PDPN: variants seen among roughly 807,000 people sequenced by gnomAD.
PDPN encodes the protein podoplanin.
A neutral mutation model predicts 23.2 loss-of-function variants in PDPN; 12 were observed. That is an observed-to-expected ratio of 0.52 (90% CI 0.33 to 0.84). The LOEUF (loss-of-function observed/expected upper bound fraction) is 0.84. Ranked by LOEUF, PDPN falls within the 40% of genes least tolerant of loss-of-function variation. The pLI is 0.02. For missense variants in PDPN, 199 were observed against 212.2 expected (o/e 0.94, Z 0.39); for synonymous variants, 77 against 76.7 (o/e 1.00, Z -0.02).
chr1:13,603,995 G>T (rs971974178), intron 1 of PDPN, among the ~76,000 whole-genome samples: 2 of 152,232 alleles, frequency 1.3e-5, no homozygotes, highest in Admixed American at 6.5e-5. Context: ...CTGAGGCTGG[G>T]TGTGGCAGGA....
At chr1:13,611,979 GC>G (rs1390345627) in intron 3 of PDPN, among the ~76,000 whole-genome samples, 1 of 152,122 alleles carries the variant, frequency 6.6e-6, no homozygotes, top group Admixed American at 6.6e-5. Flanking sequence ...AGAAAATTCT[GC>G]CATCCATGTT....
chr1:13,602,241 T>C (rs1048038605), intron 1 of PDPN, among the ~76,000 whole-genome samples: 1 of 151,800 alleles, frequency 6.6e-6, no homozygotes, highest in Non-Finnish European at 1.5e-5. Flanking sequence ...GGCAGGAGAA[T>C]GGCGTGAGCC....
At chr1:13,615,618 G>T (rs1158542506) in intron 5 of PDPN, among the ~76,000 whole-genome samples, 1 of 152,066 alleles carries the variant, frequency 6.6e-6, no homozygotes, top group Non-Finnish European at 1.5e-5. Context: ...TTGGAGGGAT[G>T]ATATATGATG....
chr1:13,588,267 T>C (rs779816325), intron 1 of PDPN, among the ~76,000 whole-genome samples: 13 of 152,114 alleles, frequency 8.5e-5, no homozygotes, highest in Non-Finnish European at 1.5e-4. Flanking sequence ...ACAATCACCA[T>C]TGTTAATGTT....
At chr1:13,590,518 T>C (rs1051155992) in intron 1 of PDPN, among the ~76,000 whole-genome samples, 1 of 151,760 alleles carries the variant, frequency 6.6e-6, no homozygotes, top group Non-Finnish European at 1.5e-5. Flanking sequence ...CTGTGAAAAA[T>C]GGTGGGGTTG....
chr1:13,606,055 T>C (rs1357845652), intron 1 of PDPN, among the ~76,000 whole-genome samples: 5 of 152,018 alleles, frequency 3.3e-5, no homozygotes, highest in African/African-American at 4.8e-5. Context: ...AGTGATGCGA[T>C]CTCAGCTTAC....
At chr1:13,583,758 G>A, upstream of PDPN, 1 of 1,463,030 alleles carries the variant, frequency 6.8e-7, no homozygotes, top group Non-Finnish European at 9.2e-7. Flanking sequence ...CCCGGACGGA[G>A]ACCACCTTGC....
intron 1 of PDPN, among the ~76,000 whole-genome samples, chr1:13,585,273 A>G (rs952043236): frequency 3.9e-5 from 6 of 152,160 alleles, no homozygotes; most frequent in Non-Finnish European, 7.3e-5. Flanking sequence ...GCCTCCTACA[A>G]TGGTCCACAC....
In PDPN at chr1:13,610,495, G is replaced by T. The variant is rs971795198; in HGVS notation, c.310G>T (p.Val104Leu). 8 of 1,613,780 alleles carry T rather than the reference G, an allele frequency of 5.0e-6. No individual in the cohort carries two copies. The highest frequency in any genetic ancestry group is 6.8e-6 in the Non-Finnish European group (8 of 1,179,792). The change falls in exon 3 of 6, where the codon GTG (valine) becomes TTG (leucine). Residue 104 changes from valine to leucine, a missense_variant. Val to Leu is a conservative substitution (Grantham distance 32, BLOSUM62 1). Coordinates refer to ENST00000621990, the MANE Select transcript of PDPN (RefSeq NM_006474.5). ...EQSPSATASNVATSHSTEKVD... is the reference protein window; with the variant it reads ...EQSPSATASNLATSHSTEKVD... Reference sequence around the variant, plus strand: ...AAGTCCAAGCGCCACAGCCTCAAACGTGGCCACCAGTCACTCCACGGGTAA... The same window carrying T: ...AAGTCCAAGCGCCACAGCCTCAAACTTGGCCACCAGTCACTCCACGGGTAA...
Position 13,616,159 on chromosome 1 carries a change from A to G in PDPN, c.*248A>G. 2 of 555,420 alleles carry G rather than the reference A, an allele frequency of 3.6e-6. No individual in the cohort carries two copies. The highest frequency in any genetic ancestry group is 4.8e-4 in the Middle Eastern group (1 of 2,078). The allele number at this position is 555,420 out of a possible 1,614,324, so 34.4% of individuals were successfully genotyped here. On this transcript the variant is annotated 3_prime_UTR_variant, in exon 6 of 6. Transcript: ENST00000621990. ...TACATTCTATAAAAGATTATTTGAA[A>G]GACAAAATTCATAGAAAATGGAGCA...
intron 2 of PDPN, 138 bp from the exon 3 acceptor site, chr1:13,610,249 C>T: frequency 4.6e-6 from 3 of 656,154 alleles, no homozygotes; most frequent in East Asian, 3.0e-5. Flanking sequence ...TTGTTCTGTT[C>T]ATTTTCTTCT....
At chr1:13,594,751 C>T (rs1261415550) in intron 1 of PDPN, among the ~76,000 whole-genome samples, 4 of 151,940 alleles carry the variant, frequency 2.6e-5, no homozygotes, top group African/African-American at 9.7e-5. Context: ...CTTTGGGAGG[C>T]CGAGGTGGGC....
chr1:13,588,995 A>AATTGAATAGTGCTACTATTCAATAC (rs1640262712), intron 1 of PDPN, among the ~76,000 whole-genome samples: 6 of 151,868 alleles, frequency 4.0e-5, no homozygotes, highest in Admixed American at 3.9e-4. Flanking sequence ...CTATTCAATA[A>AATTGAATAGTGCTACTATTCAATAC]ATATTTATTG....
chr1:13,613,333 C>T (rs1040719111), intron 3 of PDPN, among the ~76,000 whole-genome samples: 9 of 152,100 alleles, frequency 5.9e-5, no homozygotes, highest in Non-Finnish European at 1.3e-4. Flanking sequence ...ACTAAGAATC[C>T]ACAGCTCTGG....
chr1:13,606,286 G>T (rs1640788323), intron 1 of PDPN, among the ~76,000 whole-genome samples: 1 of 152,168 alleles, frequency 6.6e-6, no homozygotes. Flanking sequence ...TTACAGGCGT[G>T]AACCACTGCA....
Position 13,589,818 on chromosome 1 carries a change from TATTG to T in PDPN, c.67+5737_67+5740del, listed in dbSNP as rs148888690. On this transcript the variant is annotated intron_variant, in intron 1 of 5. Transcript: ENST00000621990. ...TTACCTTACGGCAGCAAACCACTTG[TATTG>T]ATTGATTGATTGATTGATCGATTGA... Among the ~76,000 whole-genome samples the T allele has an allele frequency of 3.3e-4, 44 of 133,490 alleles. No homozygotes were observed. The East Asian group carries it at 7.7e-3, about 23-fold the overall frequency. The allele number at this position is 133,490 out of a possible 152,430, so 87.6% of individuals were successfully genotyped here.
intron 1 of PDPN, among the ~76,000 whole-genome samples, chr1:13,602,567 T>G (rs1640673384): frequency 6.6e-6 from 1 of 152,188 alleles, no homozygotes; most frequent in Non-Finnish European, 1.5e-5. Context: ...GATTGAATGT[T>G]ACATCTAAAC....
At position 13,615,224 on chromosome 1, in the gene PDPN, G is replaced by T. The variant is rs148253965; in HGVS notation, c.483-681G>T. Among the ~76,000 whole-genome samples, 495 of 151,764 alleles carry T rather than the reference G, an allele frequency of 3.3e-3. 1 individual carries two copies. Among genetic ancestry groups the T allele is most frequent in the African/African-American group, 0.011 (471 of 41,328 alleles). ...GGAAGGAGTTTTTTCTCCTTATTAAGCTTCCTTAAGAATTCAGAATATCTA... is the reference window on the plus strand; with the variant it reads ...GGAAGGAGTTTTTTCTCCTTATTAATCTTCCTTAAGAATTCAGAATATCTA... On this transcript the variant is annotated intron_variant, in intron 5 of 5. Coordinates refer to ENST00000621990, the MANE Select transcript of PDPN (RefSeq NM_006474.5).
chr1:13,604,759 G>A (rs1035049476), intron 1 of PDPN, among the ~76,000 whole-genome samples: 1 of 152,172 alleles, frequency 6.6e-6, no homozygotes, highest in Non-Finnish European at 1.5e-5. Context: ...AGCTTAGTAA[G>A]TTTTTTAATA....
Sources: gnomAD v4.1 joint callset for allele counts (sites outside exome capture counted in the v4.1 genomes callset) on GRCh38, gnomAD v4.1.1 for gene constraint, MANE v1.5 for transcripts, NCBI Gene and HGNC (gene_info 2026-07-23, HGNC 2026-07-21) for gene names.